DMD: variants seen among roughly 807,000 people sequenced by gnomAD.
The protein encoded by DMD is mutant dystrophin.
DMD carries 63 observed loss-of-function variants against 330.1 expected under a neutral mutation model. The observed-to-expected ratio is 0.19, with a 90% CI of 0.16 to 0.24. DMD has a LOEUF of 0.24. DMD is among the 10% of genes least tolerant of loss of function. The pLI, the probability that DMD is intolerant of heterozygous loss-of-function variation, is 1.00. For synonymous variants in DMD, 1,223 were observed against 959.8 expected (o/e 1.27, Z -5.07); for missense variants, 3,344 against 2,684.1 (o/e 1.25, Z -5.43).
intron 53 of DMD, among the ~76,000 whole-genome samples, chrX:31,669,069 C>CATTAGTGA (rs2081594300): frequency 8.9e-6 from 1 of 111,990 alleles, no homozygotes; most frequent in East Asian, 2.8e-4. Context: ...GCAATAAACA[C>CATTAGTGA]AGGAGTGAAG....
chrX:32,872,959 C>T (rs772964827), intron 2 of DMD, among the ~76,000 whole-genome samples: 1 of 111,982 alleles, frequency 8.9e-6, no homozygotes, highest in South Asian at 3.7e-4. Context: ...GGTGGCTAAT[C>T]TTATTTAAAC....
intron 41 of DMD, among the ~76,000 whole-genome samples, chrX:32,316,494 G>A (rs1283165727): frequency 2.7e-5 from 3 of 110,981 alleles, no homozygotes; most frequent in African/African-American, 9.8e-5. Flanking sequence ...TTACTATCTT[G>A]ATACGTAGTG....
chrX:32,254,615 CA>C (rs1487713309), intron 43 of DMD, among the ~76,000 whole-genome samples: 1 of 111,491 alleles, frequency 9.0e-6, no homozygotes. Context: ...AGTAAGTACA[CA>C]AATAACAAAT....
At chrX:32,210,383 T>G (rs2044343149) in intron 44 of DMD, among the ~76,000 whole-genome samples, 1 of 111,363 alleles carries the variant, frequency 9.0e-6, no homozygotes, top group African/African-American at 3.3e-5. Flanking sequence ...ATTCTTAACG[T>G]TAGGGTCCCA....
At chrX:32,368,215 G>A (rs1156938092) in intron 34 of DMD, among the ~76,000 whole-genome samples, 1 of 111,826 alleles carries the variant, frequency 8.9e-6, no homozygotes, top group Admixed American at 9.6e-5. Context: ...TGCCAGAGAT[G>A]AGGAATGAGG....
At chrX:31,963,680 C>A (rs1175543704) in intron 45 of DMD, among the ~76,000 whole-genome samples, 1 of 107,736 alleles carries the variant, frequency 9.3e-6, no homozygotes, top group Admixed American at 1.0e-4. Flanking sequence ...GAGCCTGGGA[C>A]AATTGAGCAG....
intron 1 of DMD, among the ~76,000 whole-genome samples, chrX:33,126,726 A>T (rs1166426872): frequency 8.9e-6 from 1 of 111,736 alleles, no homozygotes; most frequent in Non-Finnish European, 1.9e-5. Flanking sequence ...GCATTTAGAG[A>T]TAATCTCAGC....
chrX:33,276,502 C>G (rs1462321907), intron 1 of DMD, among the ~76,000 whole-genome samples: 4 of 110,800 alleles, frequency 3.6e-5, no homozygotes. Flanking sequence ...GTCTAAAAGT[C>G]CAGAGAGCAC....
intron 2 of DMD, among the ~76,000 whole-genome samples, chrX:32,912,786 CTG>C (rs1228041985): frequency 9.0e-6 from 1 of 111,545 alleles, no homozygotes; most frequent in Non-Finnish European, 1.9e-5. Flanking sequence ...ACCGTTATCT[CTG>C]GTGGTAGTGG....
chrX:33,273,980 T>C (rs1046539755), intron 1 of DMD, among the ~76,000 whole-genome samples: 1 of 112,387 alleles, frequency 8.9e-6, no homozygotes. Context: ...AATCTCATTA[T>C]GATAATTCAG....
intron 43 of DMD, among the ~76,000 whole-genome samples, chrX:32,250,652 C>A (rs1291677430): frequency 2.7e-5 from 3 of 111,752 alleles, no homozygotes; most frequent in African/African-American, 9.8e-5. Context: ...GCATTGCATT[C>A]GCAATCAACA....
At chrX:32,192,153 C>A (rs1301465793) in intron 44 of DMD, among the ~76,000 whole-genome samples, 1 of 111,637 alleles carries the variant, frequency 9.0e-6, no homozygotes, top group Non-Finnish European at 1.9e-5. Flanking sequence ...CGGGTCTGGG[C>A]CTCAAGAAGA....
At chrX:31,493,349 C>T (rs2069495225) in intron 57 of DMD, among the ~76,000 whole-genome samples, 1 of 111,928 alleles carries the variant, frequency 8.9e-6, no homozygotes, top group South Asian at 3.8e-4. Flanking sequence ...GAAAAGTAGA[C>T]AATTTTAGAA....
chrX:32,922,741 G>A (rs2088560111), intron 2 of DMD, among the ~76,000 whole-genome samples: 1 of 112,018 alleles, frequency 8.9e-6, no homozygotes, highest in African/African-American at 3.2e-5. Flanking sequence ...TTGGTCTGGG[G>A]CCCAGGGTTT....
At chrX:32,732,829 T>G (rs1408925227) in intron 7 of DMD, among the ~76,000 whole-genome samples, 1 of 109,873 alleles carries the variant, frequency 9.1e-6, no homozygotes, top group African/African-American at 3.3e-5. Context: ...TAAAGACCAT[T>G]GAGACTAGGA....
intron 54 of DMD, among the ~76,000 whole-genome samples, chrX:31,638,549 C>G (rs2079547041): frequency 8.9e-6 from 1 of 112,587 alleles, no homozygotes; most frequent in African/African-American, 3.2e-5. Context: ...ATTTCTCCAA[C>G]TTATTCACAA....
intron 41 of DMD, among the ~76,000 whole-genome samples, chrX:32,326,478 T>C (rs2097651330): frequency 8.8e-6 from 1 of 113,026 alleles, no homozygotes; most frequent in East Asian, 2.8e-4. Context: ...TATGAATACA[T>C]TTATGTGTGC....
chrX:31,615,437 TACCAAACTGTGTTTCAGGCAATCTCA>T (rs1420996798), intron 55 of DMD, among the ~76,000 whole-genome samples: 1 of 112,023 alleles, frequency 8.9e-6, no homozygotes, highest in Non-Finnish European at 1.9e-5. Context: ...AAACTCCTTT[TACCAAACTGTGTTTCAGGCAATCTCA>T]ACTTTGGTGT....
chrX:33,151,756 A>G (rs1423189821), intron 1 of DMD, among the ~76,000 whole-genome samples: 1 of 111,918 alleles, frequency 8.9e-6, no homozygotes, highest in African/African-American at 3.3e-5. Flanking sequence ...AAACTGAAGA[A>G]TCAATTATTT....
Sources: allele counts gnomAD v4.1 joint callset (sites outside exome capture counted in the v4.1 genomes callset), GRCh38; gene constraint gnomAD v4.1.1; transcripts MANE v1.5; gene names NCBI Gene and HGNC (gene_info 2026-07-23, HGNC 2026-07-21).